Variants in SYN2 observed in about 807,000 individuals in gnomAD.
SYN2 encodes synapsin-2.
SYN2 carries 19 observed loss-of-function variants against 50.9 expected under a neutral mutation model. The observed-to-expected ratio is 0.37, with a 90% CI of 0.26 to 0.55. The LOEUF is 0.55. Among genes scored for constraint, SYN2 ranks in the 20% least tolerant of loss-of-function variants. The pLI is 0.81. For synonymous variants in SYN2, 255 were observed against 224.9 expected (o/e 1.13, Z -1.20); for missense variants, 587 against 576.4 (o/e 1.02, Z -0.19).
intron 1 of SYN2, among the ~76,000 whole-genome samples, chr3:12,079,367 C>G (rs1695539329): frequency 6.6e-6 from 1 of 152,092 alleles, no homozygotes; most frequent in Non-Finnish European, 1.5e-5. Context: ...AGAGGGCATC[C>G]TTGTCTTGTG....
In SYN2 at chr3:12,162,128, G is replaced by A. The variant is rs749397111; in HGVS notation, c.954G>A (p.Lys318=). 6 of 1,614,164 alleles carry A rather than the reference G, an allele frequency of 3.7e-6. No homozygotes were observed. The East Asian group carries it at 1.1e-4, about 30-fold the overall frequency. Residue 318 remains lysine (K), a synonymous_variant, in exon 7 of 13, where the codon AAG becomes AAA. Transcript: ENST00000621198. The stretch of plus-strand genomic sequence containing the variant: ...CCAAGTATGACATCCGGGTCCAGAA[G>A]ATTGGCAACAACTACAAGGCTTACA... ...IDSKYDIRVQ[K]IGNNYKAYMR... is the part of the protein sequence containing the mutation.
chr3:12,058,935 G>A (rs1695055500), intron 1 of SYN2, among the ~76,000 whole-genome samples: 1 of 152,160 alleles, frequency 6.6e-6, no homozygotes, highest in African/African-American at 2.4e-5. Context: ...CCACCAGTTT[G>A]GATGAGAGAG....
intron 5 of SYN2, chr3:12,157,307 TACCAGCC>T: frequency 1.4e-6 from 2 of 1,399,816 alleles, no homozygotes; most frequent in Non-Finnish European, 2.0e-6. Context: ...ACCTGAAAGC[TACCAGCC>T]CTCCCAGAAC....
In SYN2 at chr3:12,133,558, G is replaced by A. The variant is rs75458857; in HGVS notation, c.378-7093G>A. ...TAAGCTCCTAGACCTAATCAATCAA[G>A]TGATTAATTGAATTGTCAGGTGAAT... On this transcript the variant is annotated intron_variant, in intron 1 of 12. Coordinates refer to ENST00000621198, the MANE Select transcript of SYN2 (RefSeq NM_133625.6). 2.7e-3 allele frequency among the ~76,000 whole-genome samples: 414 copies of A among 152,336 alleles called. 10 individuals are homozygous for A. The East Asian group carries it at 0.044, about 16-fold the overall frequency.
At chr3:12,111,377 C>T (rs1696312693) in intron 1 of SYN2, among the ~76,000 whole-genome samples, 2 of 152,140 alleles carry the variant, frequency 1.3e-5, no homozygotes, top group African/African-American at 2.4e-5. Context: ...TCTTTATTAG[C>T]AGTGTGTAAA....
intron 1 of SYN2, among the ~76,000 whole-genome samples, chr3:12,026,649 T>C (rs900501680): frequency 2.0e-5 from 3 of 152,030 alleles, no homozygotes; most frequent in African/African-American, 7.2e-5. Context: ...TTAGGAAACA[T>C]TGTGTTCTTG....
chr3:12,057,216 C>T (rs1223111431), intron 1 of SYN2, among the ~76,000 whole-genome samples: 4 of 151,698 alleles, frequency 2.6e-5, no homozygotes, highest in Non-Finnish European at 4.4e-5. Context: ...TGCTTGAACC[C>T]AGGAGGCAGA....
intron 10 of SYN2, among the ~76,000 whole-genome samples, chr3:12,170,718 TGC>T (rs1697918662): frequency 6.6e-6 from 1 of 152,246 alleles, no homozygotes; most frequent in South Asian, 2.1e-4. Context: ...TGTGTAAGTT[TGC>T]AGGGAAATGA....
intron 1 of SYN2, among the ~76,000 whole-genome samples, chr3:12,046,222 T>A (rs1301273554): frequency 6.6e-6 from 1 of 152,168 alleles, no homozygotes; most frequent in African/African-American, 2.4e-5. Context: ...TGGGTGAAAC[T>A]GACCAAATCT....
intron 1 of SYN2, among the ~76,000 whole-genome samples, chr3:12,072,165 T>G (rs1020374512): frequency 1.3e-5 from 2 of 152,228 alleles, no homozygotes; most frequent in Non-Finnish European, 2.9e-5. Flanking sequence ...TTAAATCTTT[T>G]GACTGTTTTA....
At chr3:12,081,698 G>A (rs1049592096) in intron 1 of SYN2, among the ~76,000 whole-genome samples, 6 of 152,170 alleles carry the variant, frequency 3.9e-5, no homozygotes, top group South Asian at 2.1e-4. Context: ...CATCTAATCC[G>A]TCATTCTTCC....
chr3:12,134,355 A>G (rs993317706), intron 1 of SYN2, among the ~76,000 whole-genome samples: 11 of 152,230 alleles, frequency 7.2e-5, no homozygotes, highest in African/African-American at 2.7e-4. Context: ...TCCACCTGAC[A>G]TTTAAAGCCC....
In SYN2 at chr3:12,009,874, G is replaced by A. The variant is rs543262227; in HGVS notation, c.377+4946G>A. On this transcript the variant is annotated intron_variant, in intron 1 of 12. Transcript: ENST00000621198. ...CTAGCACTTTGGGAGGCCGAGGTAG[G>A]CAGGTTGCCTGAGCTCAGGAGTTCA... Among the ~76,000 whole-genome samples, 4 of 152,306 alleles carry A rather than the reference G, an allele frequency of 2.6e-5. No homozygotes were observed. The South Asian group carries it at 6.2e-4, about 24-fold the overall frequency.
chr3:12,126,085 C>A (rs568463891), intron 1 of SYN2, among the ~76,000 whole-genome samples: 2 of 152,150 alleles, frequency 1.3e-5, no homozygotes, highest in African/African-American at 4.8e-5. Flanking sequence ...TGGCCTCAGG[C>A]TTTTAGCTGT....
chr3:12,005,038 G>C, intron 1 of SYN2, 110 bp downstream of exon 1: 1 of 383,534 alleles, frequency 2.6e-6, no homozygotes, highest in Non-Finnish European at 4.6e-6. Context: ...ATAAAAAGGA[G>C]GGTCCCCGAG....
intron 5 of SYN2, among the ~76,000 whole-genome samples, chr3:12,159,584 A>G (rs1697586990): frequency 6.6e-6 from 1 of 152,166 alleles, no homozygotes; most frequent in African/African-American, 2.4e-5. Flanking sequence ...CTCTCCAGAT[A>G]GCTGGAGACA....
At chr3:12,019,154 A>G (rs903324006) in intron 1 of SYN2, among the ~76,000 whole-genome samples, 2 of 152,224 alleles carry the variant, frequency 1.3e-5, no homozygotes, top group African/African-American at 2.4e-5. Context: ...CCAGTGCAAG[A>G]AATAGTCTGG....
rs749315558 is a variant in SYN2 at position 12,187,363 on chromosome 3, AC to A, written c.1370-4del. On this transcript the variant is annotated splice_region_variant and splice_polypyrimidine_tract_variant and intron_variant, in intron 11 of 12. Transcript: ENST00000621198. Reference sequence around the variant, plus strand: ...AATTATGAAGTTTTTCTTGTACTGAACCTAGGGGGCCCTGGGCAACCCCAAG... The same window carrying A: ...AATTATGAAGTTTTTCTTGTACTGAACTAGGGGGCCCTGGGCAACCCCAAG... 2.7e-5 allele frequency: 41 copies of A among 1,536,818 alleles called. No homozygotes were observed. The African/African-American group carries it at 4.8e-4, about 18-fold the overall frequency.
intron 1 of SYN2, among the ~76,000 whole-genome samples, chr3:12,102,150 T>C (rs1559420388): frequency 6.6e-6 from 1 of 152,144 alleles, no homozygotes; most frequent in Non-Finnish European, 1.5e-5. Context: ...TTTTGGTACA[T>C]GAAAATGGTG....
Sources: allele counts gnomAD v4.1 joint callset (sites outside exome capture counted in the v4.1 genomes callset), GRCh38; gene constraint gnomAD v4.1.1; transcripts MANE v1.5; gene names NCBI Gene and HGNC (gene_info 2026-07-23, HGNC 2026-07-21).